The following ADCYAP1R1 variants were observed in gnomAD, a reference collection of about 807,000 sequenced individuals.
ADCYAP1R1 encodes ADCYAP receptor type I, also known as pituitary adenylate cyclase-activating polypeptide type I receptor.
ADCYAP1R1 carries 44 observed loss-of-function variants against 67.6 expected under a neutral mutation model. The ratio of observed to expected loss-of-function variants is 0.65; its 90% CI spans 0.51 to 0.84. ADCYAP1R1 has a LOEUF of 0.84. Ranked by LOEUF, ADCYAP1R1 falls within the 40% of genes least tolerant of loss-of-function variation. ADCYAP1R1 has a pLI of 0.00. For missense variants in ADCYAP1R1, 477 were observed against 587.9 expected (o/e 0.81, Z 1.95); for synonymous variants, 222 against 219.6 (o/e 1.01, Z -0.10).
intron 9 of ADCYAP1R1, 45 bp downstream of exon 9, chr7:31,085,487 C>T (rs369719721): frequency 1.3e-6 from 2 of 1,574,864 alleles, no homozygotes; most frequent in Non-Finnish European, 1.7e-6. Context: ...CGGGAAGGTC[C>T]CGCACCATCC....
rs11410563 is a variant in ADCYAP1R1, at chr7:31,085,467, AG to A, written c.669+28del. 5.6e-6 allele frequency: 9 copies of A among 1,607,206 alleles called. 1 individual carries two copies. The South Asian group carries it at 1.0e-4, about 18-fold the overall frequency. On this transcript the variant is annotated intron_variant, in intron 9 of 15. Transcript: ENST00000304166. ...TGTGAGTGAGCCAAGCAGACCCATT[AG>A]GGCTCTGCCGGGAAGGTCCCGCACC... is the stretch of plus-strand genomic sequence containing the variant.
At chr7:31,085,897 T>A (rs964694787) in intron 9 of ADCYAP1R1, among the ~76,000 whole-genome samples, 3 of 152,308 alleles carry the variant, frequency 2.0e-5, no homozygotes, top group Admixed American at 1.3e-4. Flanking sequence ...AGCTGGTCTT[T>A]GAGGAGGTAG....
chr7:31,087,351 C>T (rs879573766), intron 11 of ADCYAP1R1, among the ~76,000 whole-genome samples: 5 of 152,218 alleles, frequency 3.3e-5, no homozygotes, highest in Non-Finnish European at 5.9e-5. Flanking sequence ...ATGGTCCTTT[C>T]CCAGGAGCTC....
Position 31,086,984 on chromosome 7 carries a change from C to G in ADCYAP1R1, c.865C>G (p.Leu289Val). The G allele has an allele frequency of 1.9e-6, 3 of 1,614,218 alleles. No individual in the cohort carries two copies. In the South Asian group the frequency reaches 3.3e-5, roughly 18 times the overall value. The part of the protein sequence containing the change: ...VCVTVWATLR[L>V]YFDDTGCWDM... Reference sequence around the variant, plus strand: ...TGTGACAGTGTGGGCTACGCTGAGACTCTACTTTGATGACACAGGGTTAGT... The same window carrying G: ...TGTGACAGTGTGGGCTACGCTGAGAGTCTACTTTGATGACACAGGGTTAGT... The change falls in exon 11 of 16, where the codon CTC (leucine) becomes GTC (valine). Residue 289 changes from leucine (L) to valine (V), a missense_variant. Leu to Val is a conservative substitution (Grantham distance 32). Transcript: ENST00000304166. This position sits in a 1 kb window ranked among gnomAD's most constrained non-coding sequence, Gnocchi z 5.0.
At chr7:31,061,835 TG>T (rs112435468) in intron 1 of ADCYAP1R1, among the ~76,000 whole-genome samples, 2 of 151,842 alleles carry the variant, frequency 1.3e-5, no homozygotes, top group South Asian at 2.1e-4. Context: ...TGCCTGCTGG[TG>T]GGGGGGTGTG....
At chr7:31,067,101 G>A (rs1454700410) in intron 3 of ADCYAP1R1, among the ~76,000 whole-genome samples, 4 of 152,232 alleles carry the variant, frequency 2.6e-5, no homozygotes, top group Non-Finnish European at 5.9e-5. Context: ...GGGACCTTGT[G>A]AGTCAGGGCT....
At chr7:31,074,926 A>G (rs1444319929) in intron 3 of ADCYAP1R1, among the ~76,000 whole-genome samples, 1 of 152,240 alleles carries the variant, frequency 6.6e-6, no homozygotes, top group Non-Finnish European at 1.5e-5. Context: ...CTATGGGCCA[A>G]TGTGACTGGG....
intron 5 of ADCYAP1R1, among the ~76,000 whole-genome samples, chr7:31,081,500 G>A (rs768635122): frequency 6.6e-6 from 1 of 152,144 alleles, no homozygotes; most frequent in Non-Finnish European, 1.5e-5. Flanking sequence ...CATCCTGAAC[G>A]TCACAGAAAT....
Position 31,086,956 on chromosome 7 carries a change from G to T in ADCYAP1R1, c.837G>T (p.Val279=), listed in dbSNP as rs374295312. Residue 279 remains valine, a synonymous_variant, in exon 11 of 16, where the codon GTG becomes GTT. Transcript: ENST00000304166. The surrounding 1 kb of genome is among the most constrained non-coding windows in gnomAD (Gnocchi z 5.0). ...YTIIGWGTPT[V]CVTVWATLRL... ...TTGTTCTCCCAGGGACCCCAACTGT[G>T]TGTGTGACAGTGTGGGCTACGCTGA... 27 of 1,614,206 alleles carry T rather than the reference G, an allele frequency of 1.7e-5. No individual in the cohort carries two copies. Among genetic ancestry groups the T allele is most frequent in the Middle Eastern group, 3.3e-4 (2 of 6,062 alleles).
chr7:31,098,057 C>T (rs905481399), intron 13 of ADCYAP1R1, among the ~76,000 whole-genome samples: 5 of 152,058 alleles, frequency 3.3e-5, no homozygotes, highest in Non-Finnish European at 5.9e-5. Context: ...CCTGCCACTA[C>T]GCCCGGCTAA....
At chr7:31,103,416 G>C in intron 14 of ADCYAP1R1, 50 bp downstream of exon 14, 1 of 1,612,622 alleles carries the variant, frequency 6.2e-7, no homozygotes, top group Non-Finnish European at 8.5e-7. Context: ...CCAGGGCCTG[G>C]TTGCTCACCT....
intron 12 of ADCYAP1R1, among the ~76,000 whole-genome samples, chr7:31,089,705 C>T (rs1376702688): frequency 6.6e-6 from 1 of 152,124 alleles, no homozygotes; most frequent in Non-Finnish European, 1.5e-5. Flanking sequence ...GGTACAAGAG[C>T]GCTCATTTCC....
At chr7:31,064,796 C>A in intron 2 of ADCYAP1R1, 35 bp from the exon 3 acceptor site, 1 of 1,556,556 alleles carries the variant, frequency 6.4e-7, no homozygotes, top group Non-Finnish European at 8.8e-7. Context: ...GGGCCTCCTA[C>A]CCGCTCCCAC....
At chr7:31,077,480 A>AGT (rs3076572) in intron 3 of ADCYAP1R1, among the ~76,000 whole-genome samples, 3 of 136,634 alleles carry the variant, frequency 2.2e-5, no homozygotes, top group Admixed American at 7.6e-5. Flanking sequence ...TGGTGTGTGT[A>AGT]GTGTGTGTGT....
intron 7 of ADCYAP1R1, 125 bp from the exon 8 acceptor site, chr7:31,084,612 G>C: frequency 1.3e-6 from 1 of 792,058 alleles, no homozygotes; most frequent in Non-Finnish European, 2.2e-6. Flanking sequence ...CAGCAGAAGA[G>C]AGGAAGGAGG....
In ADCYAP1R1 at chr7:31,109,664, A is replaced by G. The variant is rs1796780532; in HGVS notation, c.*2980A>G. ...AGGCCGAATTCTCCTTGGGATGAAG[A>G]AATTTCTCTTTCCCTGTCATGAGTG... On this transcript the variant is annotated 3_prime_UTR_variant, in exon 16 of 16. Coordinates refer to ENST00000304166, the MANE Select transcript of ADCYAP1R1 (RefSeq NM_001118.5). 6.6e-6 allele frequency: 1 copy of G among 152,122 alleles called. No individual in the cohort carries two copies. Among genetic ancestry groups the G allele is most frequent in the Non-Finnish European group, 1.5e-5 (1 of 68,022 alleles). 9.4% of individuals were successfully genotyped at this position (152,122 alleles called of 1,614,324 possible).
chr7:31,109,065 C>T lies in ADCYAP1R1; in HGVS notation c.*2381C>T, dbSNP rs935031533. The T allele has an allele frequency of 2.0e-5, 3 of 152,200 alleles. No homozygotes were observed. The highest frequency in any genetic ancestry group is 7.2e-5 in the African/African-American group (3 of 41,444). The allele number at this position is 152,200 out of a possible 1,614,324, so 9.4% of individuals were successfully genotyped here. A position where few individuals can be genotyped will look rare whatever the true frequency, so the allele number is the denominator to read the frequency against. On this transcript the variant is annotated 3_prime_UTR_variant, in exon 16 of 16. Transcript: ENST00000304166. ...ACAGTTTTCATTGTGGAAGAAGAAA[C>T]TTTGGCATTATAGAGACATCATCAC...
At chr7:31,070,657 C>T (rs1794931987) in intron 3 of ADCYAP1R1, among the ~76,000 whole-genome samples, 1 of 152,220 alleles carries the variant, frequency 6.6e-6, no homozygotes, top group African/African-American at 2.4e-5. Context: ...CTGCAGGGAC[C>T]CTCATGCTGA....
At chr7:31,059,032 A>G (rs1447677160) in intron 1 of ADCYAP1R1, among the ~76,000 whole-genome samples, 2 of 152,150 alleles carry the variant, frequency 1.3e-5, no homozygotes, top group African/African-American at 4.8e-5. Flanking sequence ...AGTATTTAAT[A>G]AATGTTAGCC....
Sources: allele counts gnomAD v4.1 joint callset (sites outside exome capture counted in the v4.1 genomes callset), GRCh38; gene constraint gnomAD v4.1.1; non-coding constraint Gnocchi (gnomAD v3.1); transcripts MANE v1.5; gene names NCBI Gene and HGNC (gene_info 2026-07-23, HGNC 2026-07-21).